TENT4B: variants seen among roughly 807,000 people sequenced by gnomAD.
TENT4B encodes the protein PAP associated domain containing 5.
A neutral mutation model predicts 75.0 loss-of-function variants in TENT4B; 10 were observed. That is an observed-to-expected ratio of 0.13 (90% confidence interval 0.08 to 0.23). TENT4B has a LOEUF of 0.23. Ranked by LOEUF, TENT4B falls within the 10% of genes least tolerant of loss-of-function variation. The probability of loss-of-function intolerance (pLI) is 1.00; values close to 1 mark genes in which losing one functional copy is unlikely to be tolerated. For missense variants in TENT4B, 579 were observed against 893.8 expected (o/e 0.65, Z 4.49); for synonymous variants, 350 against 357.7 (o/e 0.98, Z 0.24).
Position 50,230,942 on chromosome 16 carries a change from T to C in TENT4B, c.*1614T>C. 1 of 979,850 alleles carries C rather than the reference T, an allele frequency of 1.0e-6. No individual in the cohort carries two copies. The highest frequency in any genetic ancestry group is 1.2e-6 in the Non-Finnish European group (1 of 824,462). The allele number at this position is 979,850 out of a possible 1,614,324, so 60.7% of individuals were successfully genotyped here. On this transcript the variant is annotated 3_prime_UTR_variant, in exon 12 of 12. Coordinates refer to ENST00000561678, the MANE Select transcript of TENT4B (RefSeq NM_001365324.3). ...ATATATATATACATATAAAGTACTATTGGCTTTTAGGAGTTTCTTTTATAT... is the reference window on the plus strand; with the variant it reads ...ATATATATATACATATAAAGTACTACTGGCTTTTAGGAGTTTCTTTTATAT...
chr16:50,171,431 A>G (rs1172517754), intron 1 of TENT4B, among the ~76,000 whole-genome samples: 1 of 151,988 alleles, frequency 6.6e-6, no homozygotes, highest in Non-Finnish European at 1.5e-5. Context: ...ATTAGTGGAG[A>G]ATGGAAGCTG....
At position 50,153,757 on chromosome 16, in the gene TENT4B, AGCGGCG is replaced by A. The variant is rs750459145; in HGVS notation, c.145_150del (p.Gly49_Gly50del). The A allele has an allele frequency of 2.3e-5, 25 of 1,068,216 alleles. 1 individual carries two copies. In the Admixed American group the frequency reaches 1.2e-3, roughly 50 times the overall value. 66.2% of individuals were successfully genotyped at this position (1,068,216 alleles called of 1,614,324 possible). A position where few individuals can be genotyped will look rare whatever the true frequency, so the allele number is the denominator to read the frequency against. On this transcript the variant is annotated inframe_deletion, in exon 1 of 12. Transcript: ENST00000561678. The stretch of plus-strand genomic sequence containing the variant: ...CCACTGTCACAGCAGCGGCGGCGCG[AGCGGCG>A]GCGGCGGCAGCAGCAGCAGCAGCAG...
upstream of TENT4B, among the ~76,000 whole-genome samples, chr16:50,153,192 G>C (rs1199549151): frequency 1.7e-5 from 2 of 120,996 alleles, 1 homozygote; most frequent in African/African-American, 6.5e-5. Context: ...GTGGGGGGGG[G>C]GGGCGGAGCG....
chr16:50,204,377 C>T (rs2030830332), intron 1 of TENT4B, among the ~76,000 whole-genome samples: 1 of 152,026 alleles, frequency 6.6e-6, no homozygotes, highest in Non-Finnish European at 1.5e-5. Context: ...GAAAGGTGAA[C>T]CAAGGAAGAC....
intron 1 of TENT4B, among the ~76,000 whole-genome samples, chr16:50,190,551 T>G (rs1252954353): frequency 3.3e-5 from 5 of 152,080 alleles, no homozygotes; most frequent in Admixed American, 6.5e-5. Context: ...CTTTTGTGTC[T>G]GGCTTCTTTT....
rs1040154525 is a variant in TENT4B, at chr16:50,153,436, C to T, written c.-186C>T. ...GAGCCCCCGAGGGCGGGAGCGACGC[C>T]GCCGGCGCCGGCCGGGCTCCCTGCG... On this transcript the variant is annotated 5_prime_UTR_variant, in exon 1 of 12. Coordinates refer to ENST00000561678, the MANE Select transcript of TENT4B (RefSeq NM_001365324.3). Among the ~76,000 whole-genome samples the T allele has an allele frequency of 6.8e-6, 1 of 146,438 alleles. No homozygotes were observed. Among genetic ancestry groups the T allele is most frequent in the Non-Finnish European group, 1.5e-5 (1 of 65,744 alleles).
At chr16:50,162,329 C>G (rs2038017397) in intron 1 of TENT4B, among the ~76,000 whole-genome samples, 2 of 152,010 alleles carry the variant, frequency 1.3e-5, no homozygotes, top group South Asian at 4.1e-4. Flanking sequence ...AATAAATGCC[C>G]AAATGTTTGG....
chr16:50,169,937 T>A (rs1218739043), intron 1 of TENT4B, among the ~76,000 whole-genome samples: 1 of 152,254 alleles, frequency 6.6e-6, no homozygotes, highest in Non-Finnish European at 1.5e-5. Flanking sequence ...ACCTATGACC[T>A]GTGAACTTCT....
At chr16:50,215,717 T>C (rs1429446683) in intron 3 of TENT4B, among the ~76,000 whole-genome samples, 4 of 152,238 alleles carry the variant, frequency 2.6e-5, no homozygotes, top group African/African-American at 9.6e-5. Context: ...ATAATATTTC[T>C]GAGTTGCAAT....
Position 50,153,801 on chromosome 16 carries a change from C to T in TENT4B, c.180C>T (p.Gly60=). Residue 60 remains glycine, a synonymous_variant, in exon 1 of 12, where the codon GGC becomes GGT. Coordinates refer to ENST00000561678, the MANE Select transcript of TENT4B (RefSeq NM_001365324.3). ...GCAGCAGCAGCAGCACGGCCACCGG[C>T]GGGAGCGGCAGCAGCACCGGCAGCC... ...GSSSSSSTAT[G]GSGSSTGSPG... 1 of 1,206,246 alleles carries T rather than the reference C, an allele frequency of 8.3e-7. No individual in the cohort carries two copies. 74.7% of individuals were successfully genotyped at this position (1,206,246 alleles called of 1,614,324 possible).
upstream of TENT4B, chr16:50,153,150 C>A (rs1597208290): frequency 2.5e-5 from 6 of 240,266 alleles, no homozygotes; most frequent in Non-Finnish European, 3.0e-5. Context: ...CGCGGCGCAG[C>A]GGGGGCGGGG....
chr16:50,209,129 G>A (rs2031143360), intron 1 of TENT4B, among the ~76,000 whole-genome samples: 1 of 152,168 alleles, frequency 6.6e-6, no homozygotes. Context: ...TTCGTAAGGG[G>A]GCCTTGAGAG....
At chr16:50,154,973 T>C (rs548943163) in intron 1 of TENT4B, among the ~76,000 whole-genome samples, 3 of 152,316 alleles carry the variant, frequency 2.0e-5, no homozygotes, top group South Asian at 2.1e-4. Context: ...GATAGAACTT[T>C]CCAGGAGTTC....
In TENT4B at chr16:50,234,284, A is replaced by C. The variant is rs560098274; in HGVS notation, c.*4956A>C. On this transcript the variant is annotated 3_prime_UTR_variant, in exon 12 of 12. Transcript: ENST00000561678. Reference sequence around the variant, plus strand: ...TCATCTCTTAAAAAAACAAACAAAAACCTGAATGGTGAGGTGTGGTGGAAT... The same window carrying C: ...TCATCTCTTAAAAAAACAAACAAAACCCTGAATGGTGAGGTGTGGTGGAAT... 3 of 985,314 alleles carry C rather than the reference A, an allele frequency of 3.0e-6. No individual in the cohort carries two copies. The highest frequency in any genetic ancestry group is 1.1e-4 in the East Asian group (1 of 8,804). The allele number at this position is 985,314 out of a possible 1,614,324, so 61.0% of individuals were successfully genotyped here.
chr16:50,163,090 C>G (rs538612038), intron 1 of TENT4B, among the ~76,000 whole-genome samples: 1 of 152,180 alleles, frequency 6.6e-6, no homozygotes, highest in African/African-American at 2.4e-5. Context: ...TTTTCCCTTA[C>G]TGGCCCTTTG....
chr16:50,183,390 T>C (rs922912023), intron 1 of TENT4B, among the ~76,000 whole-genome samples: 2 of 152,008 alleles, frequency 1.3e-5, no homozygotes, highest in African/African-American at 4.8e-5. Flanking sequence ...GATTTTTGCC[T>C]GGTGTGTTCA....
At chr16:50,193,331 G>GTTTTTTTTT (rs774084083) in intron 1 of TENT4B, among the ~76,000 whole-genome samples, 2 of 101,482 alleles carry the variant, frequency 2.0e-5, no homozygotes, top group Non-Finnish European at 3.8e-5. Context: ...AGTTCCTGGA[G>GTTTTTTTTT]TTTTTTTTTT....
chr16:50,178,920 A>C (rs1233794172), intron 1 of TENT4B, among the ~76,000 whole-genome samples: 2 of 152,188 alleles, frequency 1.3e-5, no homozygotes, highest in Non-Finnish European at 2.9e-5. Context: ...GAATGTACTT[A>C]ATACCACTGA....
intron 1 of TENT4B, among the ~76,000 whole-genome samples, chr16:50,186,261 T>A (rs558151549): frequency 1.3e-5 from 2 of 152,040 alleles, no homozygotes; most frequent in Non-Finnish European, 2.9e-5. Flanking sequence ...TCTATCTCTA[T>A]CAATTTGCCT....
Sources: gnomAD v4.1 joint callset for allele counts (sites outside exome capture counted in the v4.1 genomes callset) on GRCh38, gnomAD v4.1.1 for gene constraint, MANE v1.5 for transcripts, NCBI Gene and HGNC (gene_info 2026-07-23, HGNC 2026-07-21) for gene names.